TSC2: variants seen among roughly 807,000 people sequenced by gnomAD.
TSC2 encodes tuberin.
Under a neutral mutation model 202.2 loss-of-function variants are expected in TSC2, and 29 were observed. That is an observed-to-expected ratio of 0.14 (90% CI 0.11 to 0.20). The LOEUF is 0.20. TSC2 is among the 10% of genes least tolerant of loss of function. The pLI is 1.00. For synonymous variants in TSC2, 1,349 were observed against 1,044.0 expected, an observed-to-expected ratio of 1.29 and a Z score of -5.63; for missense variants, 2,429 against 2,420.0, an observed-to-expected ratio of 1.00 and a Z score of -0.08.
intron 16 of TSC2, chr16:2,066,403 C>T (rs1041261585): frequency 2.0e-5 from 3 of 152,422 alleles, no homozygotes; most frequent in African/African-American, 2.4e-5. Context: ...TTTGTCTGTC[C>T]GTTCCTCCAT....
At position 2,061,506 on chromosome 16, in the gene TSC2, C is replaced by T. The variant is rs1303636335; in HGVS notation, c.1120-365C>T. 3 of 385,160 alleles carry T rather than the reference C, an allele frequency of 7.8e-6. No individual in the cohort carries two copies. In the Admixed American group the frequency reaches 1.1e-4, roughly 14 times the overall value. 23.9% of individuals were successfully genotyped at this position (385,160 alleles called of 1,614,324 possible). A position where few individuals can be genotyped will look rare whatever the true frequency, so the allele number is the denominator to read the frequency against. On this transcript the variant is annotated intron_variant, in intron 11 of 41. Coordinates refer to ENST00000219476, the MANE Select transcript of TSC2 (RefSeq NM_000548.5). Reference sequence around the variant, plus strand: ...CAAGAAAGGCTTGTAGTTGTGGCTACTCTTGGCCCTCCTGCCCGAGCTTCC... The same window carrying T: ...CAAGAAAGGCTTGTAGTTGTGGCTATTCTTGGCCCTCCTGCCCGAGCTTCC...
At chr16:2,067,639 G>A (rs13337200) in intron 16 of TSC2, among the ~76,000 whole-genome samples, 7,056 of 152,148 alleles carry the variant, frequency 0.046, 554 homozygotes, top group African/African-American at 0.16. Flanking sequence ...GCGTGGTGGC[G>A]CATGCCTGTA....
At chr16:2,052,187 C>T (rs747549336) in intron 3 of TSC2, among the ~76,000 whole-genome samples, 5 of 145,338 alleles carry the variant, frequency 3.4e-5, no homozygotes, top group South Asian at 2.1e-4. Flanking sequence ...CCTGTGTCCA[C>T]GGATCTTTGC....
intron 6 of TSC2, chr16:2,055,890 CAAAAAAAA>C: frequency 7.5e-6 from 2 of 265,176 alleles, no homozygotes; most frequent in South Asian, 2.7e-5. Flanking sequence ...AACTCCATCT[CAAAAAAAA>C]AAAAAAAAAA....
chr16:2,053,431 GA>G lies in TSC2; in HGVS notation c.317del (p.Lys106ArgfsTer76). On this transcript the variant is annotated frameshift_variant, in exon 4 of 42. Coordinates refer to ENST00000219476, the MANE Select transcript of TSC2 (RefSeq NM_000548.5). LOFTEE classifies it high-confidence loss of function. The stretch of plus-strand genomic sequence containing the variant: ...CCCGGCACGCGGTGCTGGCTCTGCT[GA>G]AGGCCATCGTGCAGGGGCAGGTAAG... ...EARHAVLALL[K>X]AIVQGQGERL... The G allele has an allele frequency of 6.3e-7, 1 of 1,579,962 alleles. No individual in the cohort carries two copies. Among genetic ancestry groups the G allele is most frequent in the South Asian group, 1.2e-5 (1 of 86,184 alleles).
At chr16:2,058,688 A>G (rs1317260040) in intron 9 of TSC2, 59 bp from the exon 10 acceptor site, 8 of 1,548,946 alleles carry the variant, frequency 5.2e-6, no homozygotes, top group Admixed American at 2.0e-5. Context: ...TCACACATCC[A>G]TGGCGGACCC....
At position 2,088,085 on chromosome 16, in the gene TSC2, C is replaced by A. The variant is rs45483700; in HGVS notation, c.5106C>A (p.Ile1702=). The A allele has an allele frequency of 8.7e-4, 1,403 of 1,612,814 alleles. 2 individuals are homozygous for A. The highest frequency in any genetic ancestry group is 1.0e-3 in the Non-Finnish European group (1,209 of 1,180,000). The change falls in exon 40 of 42, where the codon ATC becomes ATA. Residue 1702 remains isoleucine (I), a synonymous_variant. Transcript: ENST00000219476. ...TTGTGGACACCAGCGTGGCCAAGATCGTGTCTGACCGCAACCTGCCCTTCG... is the reference window on the plus strand; with the variant it reads ...TTGTGGACACCAGCGTGGCCAAGATAGTGTCTGACCGCAACCTGCCCTTCG... The part of the protein sequence containing the change: ...EGLVDTSVAK[I]VSDRNLPFVA...
In TSC2 at chr16:2,071,285, G is replaced by C. The variant is rs907341730; in HGVS notation, c.1840-225G>C. ...CCAGCTGTGGTGGTGGGGACACCAG[G>C]CTCTGTGAGCTCCGAGGCAAGGGAG... is the stretch of plus-strand genomic sequence containing the variant. On this transcript the variant is annotated intron_variant, in intron 17 of 41. Coordinates refer to ENST00000219476, the MANE Select transcript of TSC2 (RefSeq NM_000548.5). The C allele has an allele frequency of 4.9e-5, 30 of 610,988 alleles. No homozygotes were observed. In the East Asian group the frequency reaches 8.5e-4, roughly 17 times the overall value. 37.8% of individuals were successfully genotyped at this position (610,988 alleles called of 1,614,324 possible). A position where few individuals can be genotyped will look rare whatever the true frequency, so the allele number is the denominator to read the frequency against.
At chr16:2,069,565 T>C (rs1374399990) in intron 16 of TSC2, among the ~76,000 whole-genome samples, 9 of 151,754 alleles carry the variant, frequency 5.9e-5, no homozygotes, top group South Asian at 2.1e-4. Context: ...CTGCAAGCTC[T>C]GCCTCCTGGG....
At chr16:2,060,599 G>A (rs753901965) in intron 10 of TSC2, 71 bp from the exon 11 acceptor site, 43 of 1,611,016 alleles carry the variant, frequency 2.7e-5, no homozygotes, top group Non-Finnish European at 3.6e-5. Flanking sequence ...CGGTCCCAAG[G>A]GTGACTGGGA....
At position 2,079,787 on chromosome 16, in the gene TSC2, C is replaced by G. The variant is rs929728996; in HGVS notation, c.3397+118C>G. On this transcript the variant is annotated intron_variant, in intron 29 of 41. Transcript: ENST00000219476. This position sits in a 1 kb window ranked among gnomAD's most constrained non-coding sequence, Gnocchi z 4.6. Reference sequence around the variant, plus strand: ...CCGGGGTGGCTGGCTTCAGGCCCGGCCCACGTCCTGACTCTGGGGTGAGCC... The same window carrying G: ...CCGGGGTGGCTGGCTTCAGGCCCGGGCCACGTCCTGACTCTGGGGTGAGCC... 3.0e-6 allele frequency: 3 copies of G among 1,016,204 alleles called. No homozygotes were observed. The highest frequency in any genetic ancestry group is 2.5e-5 in the Admixed American group (1 of 39,868). 62.9% of individuals were successfully genotyped at this position (1,016,204 alleles called of 1,614,324 possible). A position where few individuals can be genotyped will look rare whatever the true frequency, so the allele number is the denominator to read the frequency against.
rs769334480 is a variant in TSC2 at position 2,079,439 on chromosome 16, C to A, written c.3284+11C>A. The stretch of plus-strand genomic sequence containing the variant: ...CGGCCCGGAGTCGAGGTGACTGCAC[C>A]TTCCTTTCCTCCGCGCCTGCCAGCC... On this transcript the variant is annotated intron_variant, in intron 28 of 41. Transcript: ENST00000219476. The surrounding 1 kb of genome is among the most constrained non-coding windows in gnomAD (Gnocchi z 4.6). 6 of 1,612,640 alleles carry A rather than the reference C, an allele frequency of 3.7e-6. No homozygotes were observed. In the African/African-American group the frequency reaches 6.7e-5, roughly 18 times the overall value.
intron 3 of TSC2, among the ~76,000 whole-genome samples, chr16:2,052,086 G>A (rs1401622680): frequency 2.6e-5 from 4 of 151,976 alleles, no homozygotes; most frequent in Non-Finnish European, 5.9e-5. Context: ...AAGAACAAGC[G>A]TCCTGCATCC....
At position 2,061,957 on chromosome 16, in the gene TSC2, G is replaced by A. The variant is rs558873383; in HGVS notation, c.1206G>A (p.Gly402=). The A allele has an allele frequency of 6.2e-7, 1 of 1,614,188 alleles. No individual in the cohort carries two copies. The highest frequency in any genetic ancestry group is 2.2e-5 in the East Asian group (1 of 44,882). The part of the protein sequence containing the change: ...EELCDQNEFH[G]SQERYFELVE... ...TGTGTGACCAGAACGAGTTCCACGG[G>A]TCTCAGGAGAGATACTTTGAACTGG... Residue 402 remains glycine, a synonymous_variant, in exon 12 of 42, where the codon GGG becomes GGA. Coordinates refer to ENST00000219476, the MANE Select transcript of TSC2 (RefSeq NM_000548.5).
rs1555506829 is a variant in TSC2, at chr16:2,072,844, A to G, written c.2221-5A>G. Reference sequence around the variant, plus strand: ...AGAGGTTTCATGCCTGGATTTGGTCATCAGCTTTCAGGCCCAAAGACACTG... The same window carrying G: ...AGAGGTTTCATGCCTGGATTTGGTCGTCAGCTTTCAGGCCCAAAGACACTG... On this transcript the variant is annotated splice_polypyrimidine_tract_variant and splice_region_variant and intron_variant, in intron 20 of 41. Coordinates refer to ENST00000219476, the MANE Select transcript of TSC2 (RefSeq NM_000548.5). The G allele has an allele frequency of 7.4e-6, 12 of 1,613,538 alleles. No individual in the cohort carries two copies. Among genetic ancestry groups the G allele is most frequent in the Non-Finnish European group, 1.0e-5 (12 of 1,180,022 alleles).
rs552355916 is a variant in TSC2, at chr16:2,078,916, G to T, written c.2967-116G>T. 22 of 1,402,464 alleles carry T rather than the reference G, an allele frequency of 1.6e-5. No homozygotes were observed. The East Asian group carries it at 5.0e-4, about 32-fold the overall frequency. The allele number at this position is 1,402,464 out of a possible 1,614,324, so 86.9% of individuals were successfully genotyped here. On this transcript the variant is annotated intron_variant, in intron 26 of 41. Coordinates refer to ENST00000219476, the MANE Select transcript of TSC2 (RefSeq NM_000548.5). ...TCGCTGGGCCGCCCACGCCCTGTTG[G>T]GGTCTTTCCGAGCGAGGTCCTCAGC...
chr16:2,054,597 C>A, intron 5 of TSC2, 157 bp downstream of exon 5: 1 of 1,092,688 alleles, frequency 9.2e-7, no homozygotes, highest in Non-Finnish European at 1.4e-6. Flanking sequence ...ACCTGCGTGG[C>A]CGGAGTGCCC....
rs376469926 is a variant in TSC2 at position 2,086,517 on chromosome 16, C to G, written c.4849+138C>G. On this transcript the variant is annotated intron_variant, in intron 37 of 41. Transcript: ENST00000219476. Reference sequence around the variant, plus strand: ...GCTCCCCACGCCTCAGGTTCCGAGCCTAACAGCGTGGGCATGGAGGCAGTG... The same window carrying G: ...GCTCCCCACGCCTCAGGTTCCGAGCGTAACAGCGTGGGCATGGAGGCAGTG... The G allele has an allele frequency of 5.6e-6, 8 of 1,421,194 alleles. No homozygotes were observed. In the African/African-American group the frequency reaches 9.9e-5, roughly 18 times the overall value. 88.0% of individuals were successfully genotyped at this position (1,421,194 alleles called of 1,614,324 possible).
intron 39 of TSC2, 53 bp from the exon 40 acceptor site, chr16:2,087,995 T>C (rs1328728907): frequency 1.1e-5 from 17 of 1,612,696 alleles, no homozygotes; most frequent in Non-Finnish European, 1.4e-5. Context: ...GGTGGGGCCC[T>C]GCAGTGTGGC....
Sources: allele counts gnomAD v4.1 joint callset (sites outside exome capture counted in the v4.1 genomes callset), GRCh38; gene constraint gnomAD v4.1.1; non-coding constraint Gnocchi (gnomAD v3.1); transcripts MANE v1.5; gene names NCBI Gene and HGNC (gene_info 2026-07-23, HGNC 2026-07-21).